Variants in UBR1 observed in about 807,000 individuals in gnomAD.
The protein encoded by UBR1 is ubiquitin protein ligase E3 component n-recognin 1.
Under a neutral mutation model 242.1 loss-of-function variants are expected in UBR1, and 102 were observed. The ratio of observed to expected loss-of-function variants is 0.42; its 90% confidence interval spans 0.36 to 0.50. UBR1 has a LOEUF of 0.50. Among genes scored for constraint, UBR1 ranks in the 20% least tolerant of loss-of-function variants. The probability of loss-of-function intolerance (pLI) is 0.01; values close to 1 mark genes in which losing one functional copy is unlikely to be tolerated. For synonymous variants in UBR1, 675 were observed against 684.8 expected, an observed-to-expected ratio of 0.99 and a Z score of 0.22; for missense variants, 1,772 against 2,101.8, an observed-to-expected ratio of 0.84 and a Z score of 3.07.
chr15:43,105,741 A>G (rs1229423542), intron 1 of UBR1, among the ~76,000 whole-genome samples: 1 of 152,154 alleles, frequency 6.6e-6, no homozygotes, highest in African/African-American at 2.4e-5. Flanking sequence ...AATAATACAT[A>G]ACAAAGTCAT....
chr15:43,048,534 T>C (rs1018625274), intron 12 of UBR1, 43 bp from the exon 13 acceptor site: 1 of 1,496,706 alleles, frequency 6.7e-7, no homozygotes, highest in African/African-American at 1.4e-5. Context: ...TTATCTATTT[T>C]GAGATAATTT....
chr15:43,029,170 C>T (rs1182003138), intron 21 of UBR1, among the ~76,000 whole-genome samples: 1 of 151,420 alleles, frequency 6.6e-6, no homozygotes, highest in South Asian at 2.1e-4. Flanking sequence ...AAAGCCTTGA[C>T]AGCACAAATA....
intron 3 of UBR1, 25 bp from the exon 4 acceptor site, chr15:43,075,114 C>T (rs1273419604): frequency 6.5e-7 from 1 of 1,549,340 alleles, no homozygotes. Flanking sequence ...ATGAGTTTGT[C>T]TTGATTTCAA....
chr15:43,092,341 T>C (rs543649879), intron 1 of UBR1, among the ~76,000 whole-genome samples: 1 of 152,338 alleles, frequency 6.6e-6, no homozygotes, highest in Non-Finnish European at 1.5e-5. Flanking sequence ...CACTGGCTGA[T>C]ATCATTAATT....
chr15:42,946,188 G>A (rs191933065), intron 46 of UBR1, among the ~76,000 whole-genome samples: 8 of 152,008 alleles, frequency 5.3e-5, no homozygotes, highest in Admixed American at 3.3e-4. Flanking sequence ...GCCGTGGTAC[G>A]ATCACGGCTC....
intron 46 of UBR1, 36 bp from the exon 47 acceptor site, chr15:42,945,506 G>T: frequency 6.2e-7 from 1 of 1,611,448 alleles, no homozygotes; most frequent in South Asian, 1.1e-5. Context: ...ATGTAAGTTT[G>T]AATCTAGTAA....
At chr15:43,005,535 C>G (rs1347930829) in intron 30 of UBR1, among the ~76,000 whole-genome samples, 1 of 152,214 alleles carries the variant, frequency 6.6e-6, no homozygotes, top group Non-Finnish European at 1.5e-5. Flanking sequence ...TGTCCAGCCA[C>G]CCCGTCTGGG....
intron 44 of UBR1, among the ~76,000 whole-genome samples, chr15:42,957,748 TG>T (rs1250201527): frequency 1.2e-4 from 18 of 152,018 alleles, no homozygotes; most frequent in African/African-American, 4.3e-4. Flanking sequence ...TGGTGGCGCC[TG>T]CCTGTAGTTT....
intron 8 of UBR1, 68 bp from the exon 9 acceptor site, chr15:43,059,260 T>C: frequency 7.1e-7 from 1 of 1,415,118 alleles, no homozygotes; most frequent in South Asian, 1.2e-5. Flanking sequence ...GAGATGAGTC[T>C]CACTCTGTTG....
chr15:43,035,407 T>C (rs1273516670), intron 19 of UBR1, among the ~76,000 whole-genome samples: 1 of 152,222 alleles, frequency 6.6e-6, no homozygotes, highest in Non-Finnish European at 1.5e-5. Context: ...ACTTTTAAAA[T>C]ATGGCTAAAT....
intron 39 of UBR1, among the ~76,000 whole-genome samples, chr15:42,974,671 C>T (rs2032260573): frequency 6.6e-6 from 1 of 152,194 alleles, no homozygotes. Flanking sequence ...TGCAGTGGTG[C>T]AATCCCAACT....
At chr15:42,954,804 A>AG (rs2031891935) in intron 44 of UBR1, among the ~76,000 whole-genome samples, 1 of 152,046 alleles carries the variant, frequency 6.6e-6, no homozygotes, top group South Asian at 2.1e-4. Flanking sequence ...CTTGGCCTTT[A>AG]GTAATCTGCC....
rs185013665 is a variant in UBR1 at position 43,022,150 on chromosome 15, A to G, written c.2839+552T>C. 1.3e-3 allele frequency among the ~76,000 whole-genome samples: 191 copies of G among 152,270 alleles called. 1 individual carries two copies. The highest frequency in any genetic ancestry group is 6.8e-3 in the Middle Eastern group (2 of 294). On this transcript the variant is annotated intron_variant, in intron 26 of 46. Coordinates refer to ENST00000290650, the MANE Select transcript of UBR1 (RefSeq NM_174916.3). ...TAAAAAATACAGCATGTAAATAGAA[A>G]ATGTTTGTCTCCTATTGTTTTTATA...
Position 43,055,775 on chromosome 15 carries a change from C to T in UBR1, c.1281+569G>A, listed in dbSNP as rs1006765027. Reference sequence around the variant, plus strand: ...ACTAAAAATACAAAAATCAACCAGGCGTGGTGGTGCCTGCCCGTAGTCCCA... The same window carrying T: ...ACTAAAAATACAAAAATCAACCAGGTGTGGTGGTGCCTGCCCGTAGTCCCA... On this transcript the variant is annotated intron_variant, in intron 11 of 46. Coordinates refer to ENST00000290650, the MANE Select transcript of UBR1 (RefSeq NM_174916.3). Among the ~76,000 whole-genome samples the T allele has an allele frequency of 3.3e-5, 5 of 151,862 alleles. No individual in the cohort carries two copies. In the East Asian group the frequency reaches 5.9e-4, roughly 18 times the overall value.
chr15:42,959,314 C>G, intron 43 of UBR1, among the ~76,000 whole-genome samples: 1 of 152,234 alleles, frequency 6.6e-6, no homozygotes, highest in South Asian at 2.1e-4. Context: ...GTCTCAGGCT[C>G]CTGAGTAGCT....
Position 43,007,064 on chromosome 15 carries a change from T to C in UBR1, c.3415+15A>G. ...AAAGAAATGCACAAAAGGATATTTA[T>C]TAAATAATACATACCTCCTGAGAGT... is the stretch of plus-strand genomic sequence containing the variant. On this transcript the variant is annotated intron_variant, in intron 30 of 46. Transcript: ENST00000290650. 1 of 1,612,934 alleles carries C rather than the reference T, an allele frequency of 6.2e-7. No homozygotes were observed. Among genetic ancestry groups the C allele is most frequent in the Non-Finnish European group, 8.5e-7 (1 of 1,178,944 alleles).
At chr15:42,962,198 C>G (rs1444919553) in intron 42 of UBR1, among the ~76,000 whole-genome samples, 1 of 151,896 alleles carries the variant, frequency 6.6e-6, no homozygotes, top group African/African-American at 2.4e-5. Flanking sequence ...AAACAGAAAC[C>G]ATTCTAAGTA....
At chr15:43,093,725 G>A (rs1404010938) in intron 1 of UBR1, among the ~76,000 whole-genome samples, 1 of 148,764 alleles carries the variant, frequency 6.7e-6, no homozygotes, top group Non-Finnish European at 1.5e-5. Flanking sequence ...GGTTGAGGCT[G>A]CAGCAAGCCC....
intron 35 of UBR1, among the ~76,000 whole-genome samples, chr15:42,987,070 A>G (rs1223658389): frequency 6.6e-6 from 1 of 152,228 alleles, no homozygotes; most frequent in Non-Finnish European, 1.5e-5. Context: ...ATGCCCCTGC[A>G]TGGTGCTGGG....
Sources: gnomAD v4.1 joint callset for allele counts (sites outside exome capture counted in the v4.1 genomes callset) on GRCh38, gnomAD v4.1.1 for gene constraint, MANE v1.5 for transcripts, NCBI Gene and HGNC (gene_info 2026-07-23, HGNC 2026-07-21) for gene names.